FREM2: variants seen among roughly 807,000 people sequenced by gnomAD.
The protein encoded by FREM2 is FRAS1 related extracellular matrix 2, also known as FRAS1-related extracellular matrix protein 2.
A neutral mutation model predicts 219.9 loss-of-function variants in FREM2; 119 were observed. That is an observed-to-expected ratio of 0.54 (90% confidence interval 0.47 to 0.63). The LOEUF is 0.63. Among genes scored for constraint, FREM2 ranks in the 30% least tolerant of loss-of-function variants. FREM2 has a pLI of 0.00. For missense variants in FREM2, 4,030 were observed against 3,993.6 expected (o/e 1.01, Z -0.25); for synonymous variants, 1,562 against 1,522.8 (o/e 1.03, Z -0.60).
At position 38,874,510 on chromosome 13, in the gene FREM2, C is replaced by T. The variant is rs374308184; in HGVS notation, c.8205C>T (p.Ile2735=). 1.3e-5 allele frequency: 21 copies of T among 1,613,940 alleles called. No homozygotes were observed. The highest frequency in any genetic ancestry group is 1.6e-4 in the Middle Eastern group (1 of 6,082). The change falls in exon 18 of 24, where the codon ATC becomes ATT. Residue 2735 remains isoleucine (I), a synonymous_variant. Transcript: ENST00000280481. The part of the protein sequence containing the change: ...QGSLYPTSMR[I]GDEGRLAVHF... ...CTCTCTATCCAACCAGCATGCGCAT[C>T]GGTGATGAGGGGCGCTTGGCCGTGC...
chr13:38,754,895 G>GATTATT (rs1246110589), intron 2 of FREM2, among the ~76,000 whole-genome samples: 9,748 of 99,138 alleles, frequency 0.098, 398 homozygotes, highest in East Asian at 0.15. Context: ...TGATGATGAT[G>GATTATT]ATGATGATTA....
intron 3 of FREM2, among the ~76,000 whole-genome samples, chr13:38,765,137 C>G (rs907831585): frequency 6.6e-6 from 1 of 152,172 alleles, no homozygotes; most frequent in South Asian, 2.1e-4. Context: ...GTCTCGATCT[C>G]CTGACCTCGT....
intron 2 of FREM2, among the ~76,000 whole-genome samples, chr13:38,732,300 A>T (rs544889380): frequency 7.1e-4 from 108 of 152,304 alleles, no homozygotes; most frequent in African/African-American, 2.5e-3. Flanking sequence ...TTCATGTCAG[A>T]GTTTGCCAAA....
intron 6 of FREM2, among the ~76,000 whole-genome samples, chr13:38,839,700 G>A (rs750534709): frequency 1.2e-4 from 19 of 152,148 alleles, no homozygotes; most frequent in Admixed American, 1.1e-3. Flanking sequence ...GTGGCTTTGC[G>A]GTGCTGTGAT....
At chr13:38,873,655 T>A (rs1443504345) in intron 17 of FREM2, among the ~76,000 whole-genome samples, 2 of 152,244 alleles carry the variant, frequency 1.3e-5, no homozygotes, top group African/African-American at 4.8e-5. Context: ...GTGCTTTTTC[T>A]TTTTCAGACA....
chr13:38,748,905 G>A (rs560780481), intron 2 of FREM2, among the ~76,000 whole-genome samples: 3 of 152,324 alleles, frequency 2.0e-5, no homozygotes, highest in African/African-American at 7.2e-5. Flanking sequence ...AGGTAAGGCT[G>A]TGCATGCATG....
chr13:38,708,110 AAAGT>A (rs1870610781), intron 2 of FREM2, among the ~76,000 whole-genome samples: 1 of 152,214 alleles, frequency 6.6e-6, no homozygotes, highest in Admixed American at 6.5e-5. Context: ...TCATAGGCAC[AAAGT>A]AAGTGCTATA....
intron 4 of FREM2, among the ~76,000 whole-genome samples, chr13:38,770,608 A>C (rs1873622629): frequency 6.6e-6 from 1 of 152,188 alleles, no homozygotes; most frequent in South Asian, 2.1e-4. Context: ...TTTACCAGCC[A>C]AAAATTTTTA....
At chr13:38,750,340 C>T (rs1007606719) in intron 2 of FREM2, among the ~76,000 whole-genome samples, 4 of 152,130 alleles carry the variant, frequency 2.6e-5, no homozygotes, top group South Asian at 2.1e-4. Flanking sequence ...GTTTTTAAAA[C>T]GGGAGTGAGA....
chr13:38,865,551 G>A (rs1877933293), intron 16 of FREM2, among the ~76,000 whole-genome samples: 1 of 152,126 alleles, frequency 6.6e-6, no homozygotes, highest in Non-Finnish European at 1.5e-5. Context: ...TATTCATAAG[G>A]TGTTGAATGA....
chr13:38,845,122 T>G (rs1877103298), intron 6 of FREM2, among the ~76,000 whole-genome samples: 1 of 152,234 alleles, frequency 6.6e-6, no homozygotes, highest in Non-Finnish European at 1.5e-5. Flanking sequence ...TTTTCTACTA[T>G]TCAAGAATTT....
chr13:38,833,387 A>G (rs1876586080), intron 6 of FREM2, among the ~76,000 whole-genome samples: 2 of 152,060 alleles, frequency 1.3e-5, no homozygotes, highest in Admixed American at 6.6e-5. Context: ...TTCTTGTAAT[A>G]TTGGGAAACT....
chr13:38,772,520 C>A (rs921504580), intron 4 of FREM2, among the ~76,000 whole-genome samples: 2 of 152,114 alleles, frequency 1.3e-5, no homozygotes, highest in Non-Finnish European at 2.9e-5. Context: ...AGTTACTATG[C>A]AACAGACAGT....
chr13:38,808,833 A>T (rs1250055470), intron 6 of FREM2, among the ~76,000 whole-genome samples: 1 of 151,930 alleles, frequency 6.6e-6, no homozygotes, highest in Non-Finnish European at 1.5e-5. Context: ...ATGCTGTTGG[A>T]AAAATGATGC....
chr13:38,733,815 C>G (rs968362662), intron 2 of FREM2, among the ~76,000 whole-genome samples: 16 of 152,262 alleles, frequency 1.1e-4, no homozygotes, highest in African/African-American at 3.8e-4. Context: ...ACCTGTCTTA[C>G]TGTTTTAAAC....
At chr13:38,868,149 C>T (rs1878036029) in intron 16 of FREM2, among the ~76,000 whole-genome samples, 1 of 152,174 alleles carries the variant, frequency 6.6e-6, no homozygotes, top group Non-Finnish European at 1.5e-5. Context: ...ATTATTTACA[C>T]ATAGGTGAGG....
chr13:38,730,419 A>G (rs1871717153), intron 2 of FREM2, among the ~76,000 whole-genome samples: 1 of 152,246 alleles, frequency 6.6e-6, no homozygotes, highest in Admixed American at 6.5e-5. Flanking sequence ...GAAGGCGAAC[A>G]TGGCACCATG....
chr13:38,695,786 A>ACAT (rs1261642378), intron 1 of FREM2, among the ~76,000 whole-genome samples: 3 of 152,072 alleles, frequency 2.0e-5, no homozygotes, highest in African/African-American at 7.2e-5. Flanking sequence ...CCTGGCAGAA[A>ACAT]CATCATACAT....
chr13:38,767,076 G>A (rs1873465766), intron 3 of FREM2, among the ~76,000 whole-genome samples: 1 of 152,166 alleles, frequency 6.6e-6, no homozygotes, highest in African/African-American at 2.4e-5. Context: ...CTAGTAAGGG[G>A]CAGAGCTGAG....
Sources: gnomAD v4.1 joint callset for allele counts (sites outside exome capture counted in the v4.1 genomes callset) on GRCh38, gnomAD v4.1.1 for gene constraint, MANE v1.5 for transcripts, NCBI Gene and HGNC (gene_info 2026-07-23, HGNC 2026-07-21) for gene names.